Variants in SH3RF3 observed in about 807,000 individuals in gnomAD.
SH3RF3 encodes the protein SH3 domain containing ring finger 3, also known as E3 ubiquitin-protein ligase SH3RF3.
In SH3RF3, 29 loss-of-function variants were observed where a neutral mutation model predicts 66.3. The ratio of observed to expected loss-of-function variants is 0.44; its 90% CI spans 0.33 to 0.60. SH3RF3 has a LOEUF of 0.60. Among genes scored for constraint, SH3RF3 ranks in the 20% least tolerant of loss-of-function variants. SH3RF3 has a pLI of 0.04. For missense variants in SH3RF3, 1,194 were observed against 1,190.9 expected, an observed-to-expected ratio of 1.00 and a Z score of -0.04; for synonymous variants, 583 against 532.0, an observed-to-expected ratio of 1.10 and a Z score of -1.32.
chr2:109,425,688 C>G (rs1677008777), intron 5 of SH3RF3, among the ~76,000 whole-genome samples: 1 of 122,158 alleles, frequency 8.2e-6, no homozygotes, highest in Admixed American at 8.3e-5. Context: ...TTGTCAAGAC[C>G]TACTGCTCAG....
chr2:109,344,781 G>A (rs112511832), intron 1 of SH3RF3, among the ~76,000 whole-genome samples: 6 of 152,170 alleles, frequency 3.9e-5, no homozygotes, highest in African/African-American at 7.2e-5. Context: ...GGTCCTTGCC[G>A]AGCAGCTGAG....
chr2:109,261,482 G>T (rs961558049), intron 1 of SH3RF3, among the ~76,000 whole-genome samples: 1 of 152,204 alleles, frequency 6.6e-6, no homozygotes, highest in Non-Finnish European at 1.5e-5. Flanking sequence ...GGTGTCAGAC[G>T]TGTGTGAAAT....
At chr2:109,279,317 G>C (rs1680830010) in intron 1 of SH3RF3, among the ~76,000 whole-genome samples, 1 of 152,216 alleles carries the variant, frequency 6.6e-6, no homozygotes, top group Non-Finnish European at 1.5e-5. Context: ...GCAGTGGCCA[G>C]TGGAGGGCTA....
At chr2:109,428,102 C>T (rs1677086243) in intron 5 of SH3RF3, among the ~76,000 whole-genome samples, 1 of 152,192 alleles carries the variant, frequency 6.6e-6, no homozygotes, top group Non-Finnish European at 1.5e-5. Context: ...GTGGGTGCTG[C>T]ACCTAGATGG....
At chr2:109,498,787 G>T (rs1003360351) in intron 9 of SH3RF3, among the ~76,000 whole-genome samples, 1 of 152,236 alleles carries the variant, frequency 6.6e-6, no homozygotes, top group African/African-American at 2.4e-5. Flanking sequence ...GGCAGGATGG[G>T]TTGGGTAAAC....
At chr2:109,295,069 A>G (rs1681277017) in intron 1 of SH3RF3, among the ~76,000 whole-genome samples, 1 of 152,258 alleles carries the variant, frequency 6.6e-6, no homozygotes. Context: ...ACTGTTGTCC[A>G]TGTCACAGAT....
chr2:109,278,681 T>G (rs1389391330), intron 1 of SH3RF3, among the ~76,000 whole-genome samples: 5 of 152,206 alleles, frequency 3.3e-5, no homozygotes, highest in African/African-American at 1.2e-4. Context: ...CTGCTGAATT[T>G]TACCTTCTTT....
chr2:109,370,534 C>T (rs924080843), intron 2 of SH3RF3, among the ~76,000 whole-genome samples: 16 of 152,168 alleles, frequency 1.1e-4, no homozygotes, highest in Non-Finnish European at 2.1e-4. Context: ...CCACCGCGCC[C>T]GGCCATCTGT....
chr2:109,161,285 CAG>C, intron 1 of SH3RF3, among the ~76,000 whole-genome samples: 1 of 152,258 alleles, frequency 6.6e-6, no homozygotes, highest in Non-Finnish European at 1.5e-5. Flanking sequence ...CAGGGTGCTA[CAG>C]AGTTAGGAGT....
intron 8 of SH3RF3, among the ~76,000 whole-genome samples, chr2:109,462,436 C>A (rs1678231492): frequency 1.3e-5 from 2 of 152,070 alleles, no homozygotes; most frequent in South Asian, 4.2e-4. Context: ...GTTGGAGTCA[C>A]CACCTGGTTA....
intron 3 of SH3RF3, among the ~76,000 whole-genome samples, chr2:109,388,585 A>C (rs889602896): frequency 2.6e-5 from 4 of 152,230 alleles, no homozygotes; most frequent in Non-Finnish European, 4.4e-5. Context: ...TATACTCAAC[A>C]AACAGCCACT....
At chr2:109,364,035 T>C (rs147362334) in intron 2 of SH3RF3, among the ~76,000 whole-genome samples, 1 of 152,274 alleles carries the variant, frequency 6.6e-6, no homozygotes, top group East Asian at 1.9e-4. Flanking sequence ...GTTATTATTG[T>C]TTCAAATATT....
chr2:109,151,921 T>C (rs1445266911), intron 1 of SH3RF3, among the ~76,000 whole-genome samples: 1 of 152,250 alleles, frequency 6.6e-6, no homozygotes, highest in Non-Finnish European at 1.5e-5. Flanking sequence ...TTGAAGTTAA[T>C]ATAATAACAG....
chr2:109,317,129 A>G (rs1681904264), intron 1 of SH3RF3, among the ~76,000 whole-genome samples: 1 of 152,088 alleles, frequency 6.6e-6, no homozygotes, highest in South Asian at 2.1e-4. Context: ...TGGGTTTCTC[A>G]TGAAATGTTT....
intron 3 of SH3RF3, among the ~76,000 whole-genome samples, chr2:109,382,693 C>T (rs1002378971): frequency 6.6e-6 from 1 of 152,194 alleles, no homozygotes; most frequent in African/African-American, 2.4e-5. Flanking sequence ...TCAGAACAGC[C>T]TTAGGGGAAG....
At chr2:109,383,858 C>T (rs1034047035) in intron 3 of SH3RF3, among the ~76,000 whole-genome samples, 2 of 152,184 alleles carry the variant, frequency 1.3e-5, no homozygotes, top group Non-Finnish European at 2.9e-5. Flanking sequence ...GTCCTTATAC[C>T]CTTTAAGTAA....
chr2:109,262,449 T>C (rs889540264), intron 1 of SH3RF3, among the ~76,000 whole-genome samples: 4 of 152,164 alleles, frequency 2.6e-5, no homozygotes, highest in Non-Finnish European at 5.9e-5. Context: ...GCCTGTGGGG[T>C]ACCCAAGAGC....
intron 1 of SH3RF3, among the ~76,000 whole-genome samples, chr2:109,292,537 C>A (rs1463361852): frequency 6.6e-6 from 1 of 152,122 alleles, no homozygotes; most frequent in Non-Finnish European, 1.5e-5. Context: ...TTAGCTTGTT[C>A]CAGTTTTTCT....
chr2:109,142,299 T>A (rs1298712015), intron 1 of SH3RF3, among the ~76,000 whole-genome samples: 1 of 152,184 alleles, frequency 6.6e-6, no homozygotes, highest in Non-Finnish European at 1.5e-5. Context: ...GGAATAGGTG[T>A]TTACAGTCTT....
Sources: allele counts gnomAD v4.1 joint callset (sites outside exome capture counted in the v4.1 genomes callset), GRCh38; gene constraint gnomAD v4.1.1; transcripts MANE v1.5; gene names NCBI Gene and HGNC (gene_info 2026-07-23, HGNC 2026-07-21).